Variants in WDR37 observed in about 807,000 individuals in gnomAD.
WDR37 encodes the protein WD repeat-containing protein 37.
WDR37 carries 19 observed loss-of-function variants against 62.9 expected under a neutral mutation model. The observed-to-expected ratio is 0.30, with a 90% CI of 0.21 to 0.44. The LOEUF is 0.44. Among genes scored for constraint, WDR37 ranks in the 20% least tolerant of loss-of-function variants. The pLI is 1.00. For missense variants in WDR37, 474 were observed against 657.6 expected (o/e 0.72, Z 3.05); for synonymous variants, 250 against 260.9 (o/e 0.96, Z 0.40).
intron 1 of WDR37, among the ~76,000 whole-genome samples, chr10:1,058,213 G>A (rs111644380): frequency 1.3e-5 from 2 of 152,338 alleles, no homozygotes; most frequent in African/African-American, 2.4e-5. Context: ...CTCAACAGCA[G>A]TGTGACCTTG....
At chr10:1,113,690 C>G (rs1468530648) in intron 11 of WDR37, among the ~76,000 whole-genome samples, 1 of 152,188 alleles carries the variant, frequency 6.6e-6, no homozygotes, top group Non-Finnish European at 1.5e-5. Context: ...AGGAAGATAA[C>G]TAGGATTAGA....
At chr10:1,099,812 A>G (rs190742282) in intron 9 of WDR37, among the ~76,000 whole-genome samples, 1 of 148,152 alleles carries the variant, frequency 6.7e-6, no homozygotes, top group Non-Finnish European at 1.5e-5. Context: ...CAAAATGTGC[A>G]CTAATGGCGG....
chr10:1,066,437 A>T (rs1448478911), intron 1 of WDR37, among the ~76,000 whole-genome samples: 3 of 152,226 alleles, frequency 2.0e-5, no homozygotes, highest in Non-Finnish European at 2.9e-5. Flanking sequence ...CTAATGCAGA[A>T]AAAACCTTGA....
chr10:1,123,043 T>C (rs1199976793), intron 11 of WDR37, among the ~76,000 whole-genome samples: 1 of 152,240 alleles, frequency 6.6e-6, no homozygotes, highest in Non-Finnish European at 1.5e-5. Context: ...TCTTCTTGTT[T>C]TTATGGTACT....
At chr10:1,079,637 C>G (rs1274480268) in intron 3 of WDR37, among the ~76,000 whole-genome samples, 1 of 151,702 alleles carries the variant, frequency 6.6e-6, no homozygotes, top group African/African-American at 2.4e-5. Flanking sequence ...CGGGTTCAAG[C>G]AATTCTCCTG....
intron 10 of WDR37, among the ~76,000 whole-genome samples, chr10:1,104,813 T>A (rs949612833): frequency 6.6e-6 from 1 of 152,202 alleles, no homozygotes; most frequent in African/African-American, 2.4e-5. Context: ...TAGAAGGTAT[T>A]CTAAGCAAAG....
intron 2 of WDR37, among the ~76,000 whole-genome samples, chr10:1,073,027 A>G (rs910171667): frequency 6.6e-6 from 1 of 152,214 alleles, no homozygotes; most frequent in Non-Finnish European, 1.5e-5. Flanking sequence ...CTCTGCCGCC[A>G]TGAGTATGTC....
At position 1,105,481 on chromosome 10, in the gene WDR37, C is replaced by T. The variant is rs138326371; in HGVS notation, c.1103+214C>T. 2.6e-4 allele frequency among the ~76,000 whole-genome samples: 40 copies of T among 152,258 alleles called. No homozygotes were observed. The highest frequency in any genetic ancestry group is 3.4e-3 in the Middle Eastern group (1 of 294). ...TAGGAGATTAAGAGAAGGCACCCTC[C>T]GAAGTTCTCTCAAGAAGTTTAATGC... On this transcript the variant is annotated intron_variant, in intron 11 of 13. Coordinates refer to ENST00000263150, the MANE Select transcript of WDR37 (RefSeq NM_014023.4). This position sits in a 1 kb window ranked among gnomAD's most constrained non-coding sequence, Gnocchi z 5.3.
At chr10:1,074,476 A>G (rs1564498521) in intron 2 of WDR37, 5 of 1,304,486 alleles carry the variant, frequency 3.8e-6, no homozygotes, top group Non-Finnish European at 5.1e-6. Context: ...TTCAATGAGC[A>G]GTGATTCGGA....
Position 1,103,387 on chromosome 10 carries a change from A to G in WDR37, c.727-215A>G, listed in dbSNP as rs1217171971. Reference sequence around the variant, plus strand: ...GATTCCACTTTTTTTTCTGTACGAGATGGTCGTAGAGTTGATGGGTGTTCA... The same window carrying G: ...GATTCCACTTTTTTTTCTGTACGAGGTGGTCGTAGAGTTGATGGGTGTTCA... On this transcript the variant is annotated intron_variant, in intron 9 of 13. Transcript: ENST00000263150. This position sits in a 1 kb window ranked among gnomAD's most constrained non-coding sequence, Gnocchi z 6.3. Among the ~76,000 whole-genome samples the G allele has an allele frequency of 6.6e-6, 1 of 151,946 alleles. No homozygotes were observed.
chr10:1,090,436 G>A (rs1834348015), intron 7 of WDR37, among the ~76,000 whole-genome samples: 1 of 152,206 alleles, frequency 6.6e-6, no homozygotes, highest in African/African-American at 2.4e-5. Flanking sequence ...TGGGATTATA[G>A]GTGTGAGCCA....
In WDR37 at chr10:1,086,339, G is replaced by A. The variant is rs1272235783; in HGVS notation, c.586G>A (p.Ala196Thr). The A allele has an allele frequency of 3.7e-6, 6 of 1,614,028 alleles. No individual in the cohort carries two copies. The highest frequency in any genetic ancestry group is 2.2e-5 in the South Asian group (2 of 91,064). ...IETGKCLVKYAGHVGSVNSIK... is the reference protein window; with the variant it reads ...IETGKCLVKYTGHVGSVNSIK... Reference sequence around the variant, plus strand: ...GACAGGGAAGTGCCTAGTCAAGTACGCAGGCCACGTGGGCTCAGGTAAGCA... The same window carrying A: ...GACAGGGAAGTGCCTAGTCAAGTACACAGGCCACGTGGGCTCAGGTAAGCA... Residue 196 changes from alanine to threonine, a missense_variant, in exon 7 of 14, where the codon GCA (alanine) becomes ACA (threonine). Physicochemically the swap from Ala to Thr is moderately conservative, Grantham distance 58 (BLOSUM62 0). Transcript: ENST00000263150.
chr10:1,095,663 CTCAG>C (rs1407241802), intron 8 of WDR37, among the ~76,000 whole-genome samples: 4 of 152,150 alleles, frequency 2.6e-5, no homozygotes, highest in African/African-American at 7.2e-5. Context: ...CTTTCCAATC[CTCAG>C]TCAAAGCGTT....
At chr10:1,128,114 C>A (rs940014676) in intron 13 of WDR37, among the ~76,000 whole-genome samples, 1 of 152,212 alleles carries the variant, frequency 6.6e-6, no homozygotes, top group African/African-American at 2.4e-5. Flanking sequence ...TTGTGGATGT[C>A]TTTCCAGATG....
At chr10:1,063,696 C>T (rs1172210816) in intron 1 of WDR37, among the ~76,000 whole-genome samples, 1 of 152,294 alleles carries the variant, frequency 6.6e-6, no homozygotes, top group Non-Finnish European at 1.5e-5. Flanking sequence ...CATGAGGCCA[C>T]CCCCCTGTGG....
At position 1,105,199 on chromosome 10, in the gene WDR37, G is replaced by C. The variant is rs757627882; in HGVS notation, c.1035G>C (p.Thr345=). 1 of 1,614,036 alleles carries C rather than the reference G, an allele frequency of 6.2e-7. No homozygotes were observed. Among genetic ancestry groups the C allele is most frequent in the Non-Finnish European group, 8.5e-7 (1 of 1,179,986 alleles). The change falls in exon 11 of 14, where the codon ACG becomes ACC. Residue 345 remains threonine (T), a synonymous_variant. Transcript: ENST00000263150. This position sits in a 1 kb window ranked among gnomAD's most constrained non-coding sequence, Gnocchi z 5.3. ...QRLVVTSSRD[T]TFRLWDFRDP... is the part of the protein sequence containing the mutation. Reference sequence around the variant, plus strand: ...TCGTGGTGACCTCCTCCCGTGACACGACTTTCCGCCTCTGGGATTTCAGGG... The same window carrying C: ...TCGTGGTGACCTCCTCCCGTGACACCACTTTCCGCCTCTGGGATTTCAGGG...
At chr10:1,118,491 C>T (rs1028156354) in intron 11 of WDR37, among the ~76,000 whole-genome samples, 14 of 145,364 alleles carry the variant, frequency 9.6e-5, no homozygotes, top group Non-Finnish European at 2.0e-4. Context: ...ATCTGAGCTG[C>T]GTGCACTCAG....
At chr10:1,113,524 C>T (rs1220090782) in intron 11 of WDR37, among the ~76,000 whole-genome samples, 7 of 152,170 alleles carry the variant, frequency 4.6e-5, no homozygotes, top group Admixed American at 3.9e-4. Context: ...ACCTTGGCAA[C>T]GTCAATTGAG....
chr10:1,079,314 GC>G (rs1412106510), intron 3 of WDR37, among the ~76,000 whole-genome samples: 1 of 151,768 alleles, frequency 6.6e-6, no homozygotes, highest in African/African-American at 2.4e-5. Context: ...TGAACCCCTG[GC>G]CTCAAGTGAT....
Sources: gnomAD v4.1 joint callset for allele counts (sites outside exome capture counted in the v4.1 genomes callset) on GRCh38, gnomAD v4.1.1 for gene constraint, Gnocchi (gnomAD v3.1) non-coding constraint, MANE v1.5 for transcripts, NCBI Gene and HGNC (gene_info 2026-07-23, HGNC 2026-07-21) for gene names.